The following AOPEP variants were observed in gnomAD, a reference collection of about 807,000 sequenced individuals.
AOPEP encodes aminopeptidase O (putative).
Under a neutral mutation model 98.1 loss-of-function variants are expected in AOPEP, and 77 were observed. The observed-to-expected ratio is 0.78, with a 90% confidence interval of 0.65 to 0.95. The LOEUF is 0.95. Ranked by LOEUF, AOPEP falls within the 40% of genes least tolerant of loss-of-function variation. AOPEP has a pLI of 0.00. For synonymous variants in AOPEP, 346 were observed against 365.3 expected (o/e 0.95, Z 0.60); for missense variants, 1,024 against 1,024.7 (o/e 1.00, Z 0.01).
Position 94,972,643 on chromosome 9 carries a change from A to G in AOPEP, c.1916+4842A>G, listed in dbSNP as rs2059604029. On this transcript the variant is annotated intron_variant, in intron 10 of 16. Transcript: ENST00000375315. This position sits in a 1 kb window ranked among gnomAD's most constrained non-coding sequence, Gnocchi z 4.2. ...CCAAGCACAAATGAATGTTTTGATC[A>G]AGAAAATAAATCAGCTGGGCACCGT... Among the ~76,000 whole-genome samples, 1 of 152,204 alleles carries G rather than the reference A, an allele frequency of 6.6e-6. No homozygotes were observed. Among genetic ancestry groups the G allele is most frequent in the Admixed American group, 6.5e-5 (1 of 15,278 alleles).
At chr9:94,960,863 T>C (rs1290230761) in intron 9 of AOPEP, among the ~76,000 whole-genome samples, 1 of 151,994 alleles carries the variant, frequency 6.6e-6, no homozygotes, top group African/African-American at 2.4e-5. Context: ...ATACAAAAAA[T>C]TAGCCGGGCG....
At chr9:94,822,033 C>T (rs1853333264) in intron 5 of AOPEP, among the ~76,000 whole-genome samples, 2 of 151,506 alleles carry the variant, frequency 1.3e-5, no homozygotes, top group Admixed American at 1.3e-4. Context: ...AGCCTACTGA[C>T]CCCGCTCGTG....
Position 94,759,730 on chromosome 9 carries a change from G to T in AOPEP, c.-54G>T. 7.2e-7 allele frequency: 1 copy of T among 1,397,374 alleles called. No individual in the cohort carries two copies. 86.6% of individuals were successfully genotyped at this position (1,397,374 alleles called of 1,614,324 possible). ...TTTATGATTCTGGAAGATTAAGGCA[G>T]ATAGGAAACCCCATCTGAGATTTTA... On this transcript the variant is annotated 5_prime_UTR_variant, in exon 2 of 17. Transcript: ENST00000375315.
At chr9:94,887,011 C>G (rs189765663) in intron 5 of AOPEP, among the ~76,000 whole-genome samples, 16 of 152,062 alleles carry the variant, frequency 1.1e-4, no homozygotes, top group Admixed American at 1.0e-3. Context: ...AATTATTAGT[C>G]TCTGTTTCAT....
At chr9:95,114,396 C>A in the AOPEP span, 1 of 583,886 alleles carries the variant, frequency 1.7e-6, no homozygotes, top group South Asian at 1.9e-5. Context: ...GAAAACATTT[C>A]GATACAGGTA....
intron 5 of AOPEP, among the ~76,000 whole-genome samples, chr9:94,905,316 A>C (rs897177825): frequency 3.9e-5 from 6 of 152,188 alleles, no homozygotes; most frequent in Admixed American, 1.3e-4. Flanking sequence ...GTAAAATTAA[A>C]ATATTGGCTT....
chr9:94,797,448 AC>A (rs1847236659), intron 4 of AOPEP, among the ~76,000 whole-genome samples: 1 of 150,824 alleles, frequency 6.6e-6, no homozygotes, highest in Non-Finnish European at 1.5e-5. Context: ...AAAAAAAAGT[AC>A]AGAATCCCCT....
intron 5 of AOPEP, among the ~76,000 whole-genome samples, chr9:94,831,046 CTTAGT>C (rs968207458): frequency 1.2e-4 from 19 of 152,148 alleles, no homozygotes; most frequent in African/African-American, 4.6e-4. Context: ...ACAGAAGCTC[CTTAGT>C]TTAATTAGAT....
At chr9:94,921,032 C>T (rs562264226) in intron 5 of AOPEP, among the ~76,000 whole-genome samples, 7 of 148,526 alleles carry the variant, frequency 4.7e-5, no homozygotes, top group Non-Finnish European at 7.4e-5. Context: ...CTTTCCTGCC[C>T]ATCTCTTATT....
chr9:94,920,506 A>G (rs7029570), intron 5 of AOPEP, among the ~76,000 whole-genome samples: 16,623 of 152,170 alleles, frequency 0.11, 1,819 homozygotes, highest in African/African-American at 0.28. Context: ...CAGGGCCGCC[A>G]AGTGCTGGGT....
intron 5 of AOPEP, among the ~76,000 whole-genome samples, chr9:94,852,919 T>G (rs1158479693): frequency 6.6e-6 from 1 of 152,190 alleles, no homozygotes. Context: ...TTTTCATTGA[T>G]TATAGGTATT....
Position 94,767,835 on chromosome 9 carries a change from A to G in AOPEP, c.798-5167A>G, listed in dbSNP as rs865998686. Among the ~76,000 whole-genome samples the G allele has an allele frequency of 2.6e-5, 4 of 152,340 alleles. No individual in the cohort carries two copies. The South Asian group carries it at 6.2e-4, about 24-fold the overall frequency. ...AGCATTCTCCCTGGACCTGCCATGTATTCAGTATGATTGATGAATTCTGGT... is the reference window on the plus strand; with the variant it reads ...AGCATTCTCCCTGGACCTGCCATGTGTTCAGTATGATTGATGAATTCTGGT... On this transcript the variant is annotated intron_variant, in intron 2 of 16. Transcript: ENST00000375315.
rs572559776 is a variant in AOPEP at position 95,052,414 on chromosome 9, T to C, written c.2116-8280T>C. The stretch of plus-strand genomic sequence containing the variant: ...ATCCTATTTTCTGTACATAAAATTC[T>C]GAAGATAGGTATTTTCTGTAAGAGC... On this transcript the variant is annotated intron_variant, in intron 13 of 16. Coordinates refer to ENST00000375315, the MANE Select transcript of AOPEP (RefSeq NM_001193329.3). Among the ~76,000 whole-genome samples, 11 of 152,356 alleles carry C rather than the reference T, an allele frequency of 7.2e-5. No individual in the cohort carries two copies. In the South Asian group the frequency reaches 2.3e-3, roughly 32 times the overall value.
intron 13 of AOPEP, among the ~76,000 whole-genome samples, chr9:95,017,479 T>C (rs765221099): frequency 2.0e-5 from 3 of 152,204 alleles, no homozygotes; most frequent in Admixed American, 6.5e-5. Flanking sequence ...TATATTCTTA[T>C]GGGACCACCG....
At chr9:95,129,347 A>G in the AOPEP span, among the ~76,000 whole-genome samples, 1 of 152,208 alleles carries the variant, frequency 6.6e-6, no homozygotes, top group Non-Finnish European at 1.5e-5. Context: ...AGCAATCTTA[A>G]GCTGCTTTTC....
At chr9:95,050,060 A>G (rs990330107) in intron 13 of AOPEP, among the ~76,000 whole-genome samples, 1 of 152,238 alleles carries the variant, frequency 6.6e-6, no homozygotes, top group Non-Finnish European at 1.5e-5. Flanking sequence ...GTTTTGCCAT[A>G]AAAGAACATT....
chr9:95,057,173 G>T (rs1266342879), intron 13 of AOPEP, among the ~76,000 whole-genome samples: 2 of 152,146 alleles, frequency 1.3e-5, no homozygotes, highest in Non-Finnish European at 2.9e-5. Flanking sequence ...TGGAGGTAAG[G>T]TCCTTTATTT....
intron 7 of AOPEP, chr9:94,932,855 G>A (rs1284464218): frequency 2.0e-6 from 2 of 985,240 alleles, no homozygotes; most frequent in African/African-American, 1.7e-5. Flanking sequence ...TTCCTTGTAA[G>A]TCATTCGTTA....
the AOPEP span, among the ~76,000 whole-genome samples, chr9:95,119,873 A>G: frequency 5.9e-5 from 9 of 152,208 alleles, no homozygotes; most frequent in African/African-American, 2.2e-4. Flanking sequence ...CACCACGTTC[A>G]GCTAAATTTT....
Sources: gnomAD v4.1 joint callset for allele counts (sites outside exome capture counted in the v4.1 genomes callset) on GRCh38, gnomAD v4.1.1 for gene constraint, Gnocchi (gnomAD v3.1) non-coding constraint, MANE v1.5 for transcripts, NCBI Gene and HGNC (gene_info 2026-07-23, HGNC 2026-07-21) for gene names.